The following PILRA variants were observed in gnomAD, a reference collection of about 807,000 sequenced individuals.
PILRA encodes paired immunoglobin like type 2 receptor alpha.
A neutral mutation model predicts 33.1 loss-of-function variants in PILRA; 37 were observed. The observed-to-expected ratio is 1.12, with a 90% CI of 0.86 to 1.47. The LOEUF is 1.47. Among genes scored for constraint, PILRA ranks in the 40% most tolerant of loss-of-function variants. PILRA has a pLI of 0.00. For synonymous variants in PILRA, 146 were observed against 149.9 expected (o/e 0.97, Z 0.19); for missense variants, 312 against 376.2 (o/e 0.83, Z 1.41).
chr7:100,376,603 T>C (rs1219763298), intron 2 of PILRA, among the ~76,000 whole-genome samples: 1 of 144,828 alleles, frequency 6.9e-6, no homozygotes, highest in Non-Finnish European at 1.5e-5. Flanking sequence ...CCGCTCAGCC[T>C]CCAAGTAGCT....
At chr7:100,397,331 A>T (rs533343143) in intron 3 of PILRA, among the ~76,000 whole-genome samples, 37 of 152,150 alleles carry the variant, frequency 2.4e-4, no homozygotes, top group Admixed American at 1.9e-3. Flanking sequence ...GGGGCAGGAC[A>T]CAATGGGAGA....
At chr7:100,383,036 G>GA (rs1345654109) in intron 2 of PILRA, among the ~76,000 whole-genome samples, 1 of 152,204 alleles carries the variant, frequency 6.6e-6, no homozygotes, top group African/African-American at 2.4e-5. Flanking sequence ...GGTGAAAAGA[G>GA]AAAAGAGTAG....
At chr7:100,399,694 T>A in intron 6 of PILRA, 82 bp downstream of exon 6, 1 of 1,611,498 alleles carries the variant, frequency 6.2e-7, no homozygotes, top group Non-Finnish European at 8.5e-7. Flanking sequence ...GAGTGTGGTG[T>A]GGGCAGGAGA....
chr7:100,384,228 G>A (rs116812808), intron 2 of PILRA, among the ~76,000 whole-genome samples: 170 of 151,976 alleles, frequency 1.1e-3, no homozygotes, highest in African/African-American at 3.8e-3. Flanking sequence ...TGGGGGAAAC[G>A]GAAGAACGGG....
intron 2 of PILRA, among the ~76,000 whole-genome samples, chr7:100,375,735 C>CAAAT (rs1432032655): frequency 1.4e-5 from 2 of 146,882 alleles, no homozygotes; most frequent in African/African-American, 5.0e-5. Context: ...CCGCCTCAAA[C>CAAAT]AAACAAACAA....
At position 100,374,224 on chromosome 7, in the gene PILRA, A is replaced by G. The variant is rs780027530; in HGVS notation, c.245A>G (p.Tyr82Cys). Residue 82 changes from tyrosine to cysteine, a missense_variant, in exon 2 of 7, where the codon TAC becomes TGC. Transcript: ENST00000198536. ...GGCCACTTCCACAGGCAGTCCTTCT[A>G]CAGCACAAGGCCGCCTTCCATTCAC... ...RRGHFHRQSF[Y>C]STRPPSIHKD... The G allele has an allele frequency of 6.2e-7, 1 of 1,614,140 alleles. No individual in the cohort carries two copies. The highest frequency in any genetic ancestry group is 8.5e-7 in the Non-Finnish European group (1 of 1,180,016).
Position 100,374,142 on chromosome 7 carries a change from T to G in PILRA, c.163T>G (p.Phe55Val), listed in dbSNP as rs149012994. The G allele has an allele frequency of 6.2e-7, 1 of 1,614,122 alleles. No individual in the cohort carries two copies. The highest frequency in any genetic ancestry group is 2.2e-5 in the East Asian group (1 of 44,882). Residue 55 changes from phenylalanine to valine, a missense_variant, in exon 2 of 7, where the codon TTC becomes GTC. Transcript: ENST00000198536. ...TGGCTCTGTGGAAATCCCCTTCTCCTTCTATTACCCCTGGGAGTTAGCCAC... is the reference window on the plus strand; with the variant it reads ...TGGCTCTGTGGAAATCCCCTTCTCCGTCTATTACCCCTGGGAGTTAGCCAC... ...MGGSVEIPFS[F>V]YYPWELATAP...
At chr7:100,396,260 C>T (rs1423934773) in intron 3 of PILRA, among the ~76,000 whole-genome samples, 1 of 152,184 alleles carries the variant, frequency 6.6e-6, no homozygotes, top group Non-Finnish European at 1.5e-5. Context: ...ACACTATTTT[C>T]AATGGCCAAG....
chr7:100,390,103 AAAGGT>A lies in PILRA; in HGVS notation c.673+1_673+5del. The A allele has an allele frequency of 6.2e-7, 1 of 1,613,622 alleles. No individual in the cohort carries two copies. Among genetic ancestry groups the A allele is most frequent in the African/African-American group, 1.3e-5 (1 of 74,974 alleles). ...CTGCCTCCTCAGGTGGAGGAGAAGG[AAAGGT>A]AAGTGCCCAGGACCCGCCCTCTCCC... On this transcript the variant is annotated splice_donor_variant and coding_sequence_variant, in exon 3 of 7. Coordinates refer to ENST00000198536, the MANE Select transcript of PILRA (RefSeq NM_013439.3). LOFTEE classifies it high-confidence loss of function.
chr7:100,384,437 T>C (rs1329397277), intron 2 of PILRA, among the ~76,000 whole-genome samples: 1 of 150,290 alleles, frequency 6.7e-6, no homozygotes, highest in Non-Finnish European at 1.5e-5. Context: ...AAATTTTTTT[T>C]TTTTTTTTGA....
chr7:100,372,543 G>A (rs867611688), upstream of PILRA, among the ~76,000 whole-genome samples: 2 of 152,316 alleles, frequency 1.3e-5, no homozygotes, highest in African/African-American at 4.8e-5. Context: ...CCCTGCTCCA[G>A]TGACCACCCC....
Position 100,399,578 on chromosome 7 carries a change from T to C in PILRA, c.758-3T>C. 1 of 1,614,084 alleles carries C rather than the reference T, an allele frequency of 6.2e-7. No individual in the cohort carries two copies. Among genetic ancestry groups the C allele is most frequent in the Non-Finnish European group, 8.5e-7 (1 of 1,180,014 alleles). On this transcript the variant is annotated splice_polypyrimidine_tract_variant and splice_region_variant and intron_variant, in intron 5 of 6. Coordinates refer to ENST00000198536, the MANE Select transcript of PILRA (RefSeq NM_013439.3). ...CTTGGCACACCTTGCTTTTTATTCT[T>C]AGGACAAAATACAGATCCCAAGCTA...
At chr7:100,397,939 G>T (rs367764414) in intron 4 of PILRA, 27 bp downstream of exon 4, 3 of 1,612,422 alleles carry the variant, frequency 1.9e-6, no homozygotes, top group Non-Finnish European at 2.5e-6. Context: ...CCCAGGGTGG[G>T]TTGGGGGGTG....
chr7:100,384,323 ATC>A (rs1038982752), intron 2 of PILRA, among the ~76,000 whole-genome samples: 1 of 151,182 alleles, frequency 6.6e-6, no homozygotes, highest in Non-Finnish European at 1.5e-5. Flanking sequence ...GAACAGGTAG[ATC>A]TCTGAGTCTA....
chr7:100,382,333 C>T (rs549106359), intron 2 of PILRA, among the ~76,000 whole-genome samples: 3 of 152,188 alleles, frequency 2.0e-5, no homozygotes, highest in East Asian at 1.9e-4. Flanking sequence ...TTTGCATATG[C>T]ACCAATTGGC....
chr7:100,391,178 A>T (rs1439503719), intron 3 of PILRA, among the ~76,000 whole-genome samples: 4 of 143,420 alleles, frequency 2.8e-5, no homozygotes, highest in Admixed American at 6.9e-5. Context: ...TAATAATAAT[A>T]ATAATAATTA....
intron 2 of PILRA, among the ~76,000 whole-genome samples, chr7:100,381,468 T>A (rs1272061460): frequency 3.1e-4 from 41 of 130,660 alleles, no homozygotes; most frequent in South Asian, 1.4e-3. Context: ...AAAAAAAAAT[T>A]AAAAAAACCC....
chr7:100,384,286 C>T (rs1791204815), intron 2 of PILRA, among the ~76,000 whole-genome samples: 2 of 151,410 alleles, frequency 1.3e-5, no homozygotes, highest in Admixed American at 6.6e-5. Context: ...ACGTTTGAGT[C>T]GTTACTAGAC....
At chr7:100,379,273 G>A (rs546343553) in intron 2 of PILRA, among the ~76,000 whole-genome samples, 14 of 151,744 alleles carry the variant, frequency 9.2e-5, no homozygotes, top group African/African-American at 3.4e-4. Flanking sequence ...CCAGCCACTC[G>A]GGAGGCTGAG....
Sources: gnomAD v4.1 joint callset for allele counts (sites outside exome capture counted in the v4.1 genomes callset) on GRCh38, gnomAD v4.1.1 for gene constraint, MANE v1.5 for transcripts, NCBI Gene and HGNC (gene_info 2026-07-23, HGNC 2026-07-21) for gene names.